The following PKP2 variants were observed in gnomAD, a reference collection of about 807,000 sequenced individuals.
PKP2 encodes the protein plakophilin-2.
Under a neutral mutation model 83.4 loss-of-function variants are expected in PKP2, and 73 were observed. The observed-to-expected ratio is 0.88, with a 90% CI of 0.72 to 1.06. The LOEUF is 1.06. Among genes scored for constraint, PKP2 ranks in the 50% least tolerant of loss-of-function variants. The pLI is 0.00. For synonymous variants in PKP2, 409 were observed against 430.4 expected (o/e 0.95, Z 0.62); for missense variants, 966 against 1,065.4 (o/e 0.91, Z 1.30).
intron 4 of PKP2, among the ~76,000 whole-genome samples, chr12:32,861,011 GA>G (rs1228815611): frequency 1.3e-5 from 2 of 149,686 alleles, no homozygotes; most frequent in Non-Finnish European, 3.0e-5. Flanking sequence ...CTGGGTGACA[GA>G]GCAAGACTCT....
At chr12:32,818,360 C>T (rs1201918400) in intron 9 of PKP2, among the ~76,000 whole-genome samples, 2 of 152,084 alleles carry the variant, frequency 1.3e-5, no homozygotes, top group Non-Finnish European at 2.9e-5. Flanking sequence ...ACTCAAGAGG[C>T]TGAGGCACGA....
At chr12:32,858,079 A>AAT (rs1956765754) in intron 4 of PKP2, among the ~76,000 whole-genome samples, 1 of 56,548 alleles carries the variant, frequency 1.8e-5, no homozygotes, top group Non-Finnish European at 3.2e-5. Context: ...AAAAAAAAAA[A>AAT]AAAAAATATA....
Position 32,833,625 on chromosome 12 carries a change from A to C in PKP2, c.1556+7403T>G, listed in dbSNP as rs559376910. On this transcript the variant is annotated intron_variant, in intron 6 of 12. Coordinates refer to ENST00000340811, the MANE Select transcript of PKP2 (RefSeq NM_001005242.3). ...AATGAAAATTTCTTTTAAGAATTTA[A>C]ATAATTTTAAGTAATAAAATTTAAT... is the stretch of plus-strand genomic sequence containing the variant. Among the ~76,000 whole-genome samples the C allele has an allele frequency of 5.9e-5, 9 of 152,300 alleles. No homozygotes were observed. In the South Asian group the frequency reaches 1.9e-3, roughly 32 times the overall value.
chr12:32,806,131 T>G (rs1366075834), intron 9 of PKP2, among the ~76,000 whole-genome samples: 2 of 152,188 alleles, frequency 1.3e-5, no homozygotes, highest in Admixed American at 1.3e-4. Flanking sequence ...TTACTAAGGA[T>G]TTTTGTATCT....
chr12:32,853,282 C>T (rs1403378234), intron 4 of PKP2, among the ~76,000 whole-genome samples: 1 of 150,416 alleles, frequency 6.6e-6, no homozygotes, highest in Non-Finnish European at 1.5e-5. Flanking sequence ...TAGGAATGCT[C>T]AACCAATGTA....
chr12:32,892,156 T>C (rs1298184901), intron 1 of PKP2, among the ~76,000 whole-genome samples: 1 of 152,054 alleles, frequency 6.6e-6, no homozygotes, highest in African/African-American at 2.4e-5. Context: ...ATTAGTCACC[T>C]TGCTCCCCAG....
At chr12:32,827,398 G>T (rs576941578) in intron 6 of PKP2, among the ~76,000 whole-genome samples, 20 of 152,080 alleles carry the variant, frequency 1.3e-4, no homozygotes, top group Admixed American at 5.9e-4. Context: ...GAATGATAAG[G>T]GTAGATTATT....
At chr12:32,793,442 A>G (rs758911410) in intron 11 of PKP2, among the ~76,000 whole-genome samples, 40 of 152,110 alleles carry the variant, frequency 2.6e-4, no homozygotes, top group Non-Finnish European at 4.7e-4. Context: ...TTGTGACATC[A>G]TGAATGTAGG....
intron 1 of PKP2, among the ~76,000 whole-genome samples, chr12:32,888,066 C>T (rs1203257127): frequency 6.6e-6 from 1 of 152,086 alleles, no homozygotes; most frequent in Non-Finnish European, 1.5e-5. Context: ...CCTGTAGTCC[C>T]AACTACTCAG....
intron 1 of PKP2, among the ~76,000 whole-genome samples, chr12:32,884,480 C>T (rs1261842965): frequency 6.6e-6 from 1 of 152,084 alleles, no homozygotes; most frequent in Non-Finnish European, 1.5e-5. Context: ...ATACAGTCTT[C>T]CCTGTTTCTT....
intron 1 of PKP2, among the ~76,000 whole-genome samples, chr12:32,880,435 G>C (rs896021655): frequency 6.6e-6 from 1 of 151,934 alleles, no homozygotes; most frequent in Admixed American, 6.6e-5. Flanking sequence ...AAAACAACAG[G>C]GTAGATCAGC....
intron 3 of PKP2, 71 bp from the exon 4 acceptor site, chr12:32,869,133 G>A (rs1319420916): frequency 6.3e-7 from 1 of 1,574,848 alleles, no homozygotes; most frequent in South Asian, 1.1e-5. Flanking sequence ...TGGTCCTCCA[G>A]AGACGACTCA....
intron 1 of PKP2, among the ~76,000 whole-genome samples, chr12:32,892,025 A>G (rs1957078550): frequency 6.6e-6 from 1 of 152,126 alleles, no homozygotes; most frequent in South Asian, 2.1e-4. Context: ...ACACAGACAC[A>G]GAGGTGCATT....
At chr12:32,890,877 TTGAACTCGG>T (rs1343537930) in intron 1 of PKP2, among the ~76,000 whole-genome samples, 14 of 151,170 alleles carry the variant, frequency 9.3e-5, no homozygotes, top group Admixed American at 9.2e-4. Context: ...GGAAAATCGC[TTGAACTCGG>T]GAGGCAGAGG....
At chr12:32,834,976 C>CGTGTGTGTGTGTGTGTGTGTGT (rs10629969) in intron 6 of PKP2, among the ~76,000 whole-genome samples, 1 of 119,446 alleles carries the variant, frequency 8.4e-6, no homozygotes, top group Non-Finnish European at 1.7e-5. Context: ...TCACAATAGG[C>CGTGTGTGTGTGTGTGTGTGTGT]GTGTGTGTGT....
At position 32,810,838 on chromosome 12, in the gene PKP2, C is replaced by A. The variant is rs1343374623; in HGVS notation, c.2014-8282G>T. 5.5e-5 allele frequency among the ~76,000 whole-genome samples: 2 copies of A among 36,078 alleles called. 1 individual carries two copies. Among genetic ancestry groups the A allele is most frequent in the Non-Finnish European group, 2.2e-4 (2 of 9,124 alleles). 23.7% of individuals were successfully genotyped at this position (36,078 alleles called of 152,430 possible). On this transcript the variant is annotated intron_variant, in intron 9 of 12. Transcript: ENST00000340811. ...CTGGGACTACAGGCGCCCGCCACTA[C>A]GCCCGGCTAATTTTTTGTATTTTTA...
intron 5 of PKP2, among the ~76,000 whole-genome samples, chr12:32,845,995 A>C (rs1054758215): frequency 1.3e-5 from 2 of 152,226 alleles, no homozygotes; most frequent in Non-Finnish European, 2.9e-5. Context: ...GTGCATAATA[A>C]ATATTTTATA....
intron 1 of PKP2, among the ~76,000 whole-genome samples, chr12:32,883,422 T>C (rs1319826647): frequency 6.6e-6 from 1 of 152,192 alleles, no homozygotes; most frequent in Non-Finnish European, 1.5e-5. Flanking sequence ...CTAATAAGGA[T>C]GGAAATGAAT....
intron 4 of PKP2, among the ~76,000 whole-genome samples, chr12:32,865,366 C>A (rs1265739579): frequency 8.8e-6 from 1 of 113,946 alleles, no homozygotes; most frequent in African/African-American, 3.8e-5. Flanking sequence ...CAGAGCAAGA[C>A]TCCATCTCAG....
Sources: allele counts gnomAD v4.1 joint callset (sites outside exome capture counted in the v4.1 genomes callset), GRCh38; gene constraint gnomAD v4.1.1; transcripts MANE v1.5; gene names NCBI Gene and HGNC (gene_info 2026-07-23, HGNC 2026-07-21).